Variants in SPEF2 observed in about 807,000 individuals in gnomAD.
SPEF2 encodes sperm flagella and cilia-associated protein 2.
SPEF2 carries 187 observed loss-of-function variants against 224.6 expected under a neutral mutation model. The ratio of observed to expected loss-of-function variants is 0.83; its 90% confidence interval spans 0.74 to 0.94. SPEF2 has a LOEUF of 0.94. Ranked by LOEUF, SPEF2 falls within the 40% of genes least tolerant of loss-of-function variation. The probability of loss-of-function intolerance (pLI) is 0.00; values close to 1 mark genes in which losing one functional copy is unlikely to be tolerated. For synonymous variants in SPEF2, 715 were observed against 707.3 expected, an observed-to-expected ratio of 1.01 and a Z score of -0.17; for missense variants, 2,170 against 2,135.6, an observed-to-expected ratio of 1.02 and a Z score of -0.32.
chr5:35,700,554 G>T lies in SPEF2; in HGVS notation c.2200G>T (p.Ala734Ser). 1 of 1,613,660 alleles carries T rather than the reference G, an allele frequency of 6.2e-7. No individual in the cohort carries two copies. Among genetic ancestry groups the T allele is most frequent in the Non-Finnish European group, 8.5e-7 (1 of 1,179,882 alleles). ...TGGTTTTCCAATGACTTTAAACCAA[G>T]CACAGCTTCTGGAAGAAGCTCTTAC... is the stretch of plus-strand genomic sequence containing the variant. The part of the protein sequence containing the change: ...LDGFPMTLNQ[A>S]QLLEEALTGC... Residue 734 changes from alanine to serine, a missense_variant, in exon 16 of 37, where the codon GCA becomes TCA. By Grantham distance (99) the Ala-to-Ser change is moderately conservative. Transcript: ENST00000356031.
intron 20 of SPEF2, among the ~76,000 whole-genome samples, chr5:35,716,885 C>T (rs966834706): frequency 4.6e-5 from 7 of 152,066 alleles, no homozygotes; most frequent in Admixed American, 2.0e-4. Flanking sequence ...TTCCTGCTGT[C>T]GATGTCTTTG....
chr5:35,703,714 A>C (rs760545831), intron 16 of SPEF2, among the ~76,000 whole-genome samples: 2 of 152,192 alleles, frequency 1.3e-5, no homozygotes, highest in Non-Finnish European at 2.9e-5. Flanking sequence ...GCACTCCCAC[A>C]GTTTTCTTCA....
chr5:35,652,532 A>G (rs1748351021), intron 6 of SPEF2, among the ~76,000 whole-genome samples: 1 of 152,174 alleles, frequency 6.6e-6, no homozygotes, highest in African/African-American at 2.4e-5. Context: ...ACAGAATACA[A>G]TCAAAGGTTG....
At chr5:35,622,409 G>A (rs80356316) in intron 1 of SPEF2, among the ~76,000 whole-genome samples, 5,461 of 152,206 alleles carry the variant, frequency 0.036, 141 homozygotes, top group Non-Finnish European at 0.054. Flanking sequence ...AGTTCATAAC[G>A]TATTGTGGTA....
chr5:35,798,114 G>C (rs556552486), intron 33 of SPEF2, among the ~76,000 whole-genome samples: 9 of 152,244 alleles, frequency 5.9e-5, no homozygotes, highest in African/African-American at 2.2e-4. Context: ...GCCACAATCA[G>C]CTTCACCTAG....
chr5:35,676,012 A>G, intron 10 of SPEF2: 1 of 456,278 alleles, frequency 2.2e-6, no homozygotes, highest in Non-Finnish European at 4.4e-6. Context: ...TTTGAAAACC[A>G]TGGTAGAAAT....
intron 31 of SPEF2, 80 bp downstream of exon 31, chr5:35,792,526 G>GT: frequency 2.6e-6 from 3 of 1,155,786 alleles, no homozygotes; most frequent in Non-Finnish European, 3.8e-6. Flanking sequence ...AAAATAATGA[G>GT]TACTTGCATA....
intron 21 of SPEF2, among the ~76,000 whole-genome samples, chr5:35,732,994 A>T (rs4266432): frequency 0.33 from 50,591 of 152,156 alleles, 8,712 homozygotes; most frequent in Middle Eastern, 0.4. Flanking sequence ...AACATTGTAC[A>T]TATAGGGTTT....
intron 28 of SPEF2, among the ~76,000 whole-genome samples, chr5:35,774,311 T>C (rs1753298722): frequency 6.6e-6 from 1 of 152,178 alleles, no homozygotes; most frequent in Non-Finnish European, 1.5e-5. Flanking sequence ...GCAATAGCAG[T>C]AATTAAAATC....
intron 26 of SPEF2, 26 bp from the exon 27 acceptor site, chr5:35,771,583 C>CTGAA: frequency 1.3e-6 from 2 of 1,581,222 alleles, no homozygotes; most frequent in Non-Finnish European, 1.7e-6. Context: ...GAGACATTAA[C>CTGAA]TGAAATATTG....
intron 21 of SPEF2, among the ~76,000 whole-genome samples, chr5:35,731,641 T>C (rs906402251): frequency 6.6e-6 from 1 of 152,166 alleles, no homozygotes; most frequent in Non-Finnish European, 1.5e-5. Flanking sequence ...TGAAGATGAA[T>C]CTGTTGCTTG....
Position 35,740,120 on chromosome 5 carries a change from T to C in SPEF2, c.3192-9T>C. On this transcript the variant is annotated splice_polypyrimidine_tract_variant and intron_variant, in intron 22 of 36. Transcript: ENST00000356031. ...TATAAAATTTATCTCATTCTATTAA[T>C]GTCTACAGAACAAGTTTCCAGGAGT... is the stretch of plus-strand genomic sequence containing the variant. 6.2e-7 allele frequency: 1 copy of C among 1,614,154 alleles called. No individual in the cohort carries two copies. The highest frequency in any genetic ancestry group is 8.5e-7 in the Non-Finnish European group (1 of 1,180,016).
chr5:35,629,213 G>A (rs1207168363), intron 2 of SPEF2, among the ~76,000 whole-genome samples: 2 of 138,556 alleles, frequency 1.4e-5, no homozygotes, highest in East Asian at 4.4e-4. Flanking sequence ...GAGTGCAGTG[G>A]TGTGATCTCG....
intron 30 of SPEF2, among the ~76,000 whole-genome samples, chr5:35,782,521 T>A (rs1754484419): frequency 6.6e-6 from 1 of 152,146 alleles, no homozygotes; most frequent in South Asian, 2.1e-4. Flanking sequence ...ATGGTAGGAT[T>A]TTTTAGCAGA....
At chr5:35,624,424 C>T (rs1019748794) in intron 1 of SPEF2, among the ~76,000 whole-genome samples, 7 of 152,160 alleles carry the variant, frequency 4.6e-5, no homozygotes, top group African/African-American at 1.7e-4. Context: ...CTTTTTCCCC[C>T]TACAAAATTT....
chr5:35,800,776 T>C (rs1757311549), intron 34 of SPEF2, among the ~76,000 whole-genome samples: 1 of 152,152 alleles, frequency 6.6e-6, no homozygotes, highest in Non-Finnish European at 1.5e-5. Flanking sequence ...GGTTCTGTTG[T>C]TTGGGGGCTG....
At chr5:35,713,396 A>G (rs1044414303) in intron 20 of SPEF2, among the ~76,000 whole-genome samples, 12 of 152,086 alleles carry the variant, frequency 7.9e-5, no homozygotes, top group African/African-American at 2.9e-4. Context: ...AGACCTGTCT[A>G]CATTTTTTTG....
At chr5:35,808,392 C>A (rs931525039) in intron 36 of SPEF2, among the ~76,000 whole-genome samples, 46 of 152,142 alleles carry the variant, frequency 3.0e-4, no homozygotes, top group African/African-American at 1.1e-3. Flanking sequence ...AATGCTATCC[C>A]TCTCCCCTTC....
chr5:35,799,302 A>T (rs1467226312), intron 33 of SPEF2, among the ~76,000 whole-genome samples: 2 of 152,106 alleles, frequency 1.3e-5, no homozygotes, highest in Non-Finnish European at 2.9e-5. Context: ...TCTGCTTTGG[A>T]GGGCCCCAGA....
Sources: gnomAD v4.1 joint callset for allele counts (sites outside exome capture counted in the v4.1 genomes callset) on GRCh38, gnomAD v4.1.1 for gene constraint, MANE v1.5 for transcripts, NCBI Gene and HGNC (gene_info 2026-07-23, HGNC 2026-07-21) for gene names.